USP7: variants seen among roughly 807,000 people sequenced by gnomAD.
USP7 encodes ubiquitin specific peptidase 7, also known as ubiquitin C-terminal hydrolase 7.
USP7 carries 9 observed loss-of-function variants against 162.9 expected under a neutral mutation model. The observed-to-expected ratio is 0.06, with a 90% CI of 0.03 to 0.10. The LOEUF is 0.10. USP7 is among the 10% of genes least tolerant of loss of function. The pLI is 1.00. For synonymous variants in USP7, 562 were observed against 475.9 expected (o/e 1.18, Z -2.35); for missense variants, 715 against 1,373.7 (o/e 0.52, Z 7.58).
rs761105770 is a variant in USP7 at position 8,908,327 on chromosome 16, C to T, written c.1271+14G>A. 121 of 1,595,118 alleles carry T rather than the reference C, an allele frequency of 7.6e-5. No homozygotes were observed. Among genetic ancestry groups the T allele is most frequent in the Non-Finnish European group, 1.0e-4 (120 of 1,163,404 alleles). ...GATGATGAAATCTTAACTTTATATCCCACTATAGATTACCTATCATTGATC... is the reference window on the plus strand; with the variant it reads ...GATGATGAAATCTTAACTTTATATCTCACTATAGATTACCTATCATTGATC... On this transcript the variant is annotated intron_variant, in intron 12 of 30. Transcript: ENST00000344836.
At position 8,923,792 on chromosome 16, in the gene USP7, G is replaced by A. The variant is rs115585847; in HGVS notation, c.185-379C>T. On this transcript the variant is annotated intron_variant, in intron 2 of 30. Coordinates refer to ENST00000344836, the MANE Select transcript of USP7 (RefSeq NM_003470.3). Reference sequence around the variant, plus strand: ...ATATCTGTTCAAGGACGGGACTTCTGGGGGTAAAGACCACGACATGGGACT... The same window carrying A: ...ATATCTGTTCAAGGACGGGACTTCTAGGGGTAAAGACCACGACATGGGACT... Among the ~76,000 whole-genome samples the A allele has an allele frequency of 2.7e-3, 412 of 152,246 alleles. 5 individuals carry two copies. Among genetic ancestry groups the A allele is most frequent in the African/African-American group, 9.4e-3 (392 of 41,542 alleles).
chr16:8,892,245 C>CT lies in USP7; in HGVS notation c.*1752dup, dbSNP rs1251380502. 6.6e-6 allele frequency: 1 copy of CT among 152,320 alleles called. No homozygotes were observed. Among genetic ancestry groups the CT allele is most frequent in the Non-Finnish European group, 1.5e-5 (1 of 68,100 alleles). 9.4% of individuals were successfully genotyped at this position (152,320 alleles called of 1,614,324 possible). On this transcript the variant is annotated 3_prime_UTR_variant, in exon 31 of 31. Coordinates refer to ENST00000344836, the MANE Select transcript of USP7 (RefSeq NM_003470.3). Reference sequence around the variant, plus strand: ...ACAGCGAACGGCTCTCGCACCCCTGCTCTAACTCCTCTTTCTGGGGGAGGA... The same window carrying CT: ...ACAGCGAACGGCTCTCGCACCCCTGCTTCTAACTCCTCTTTCTGGGGGAGGA...
At chr16:8,926,252 C>A (rs931698999) in intron 2 of USP7, among the ~76,000 whole-genome samples, 142 of 151,336 alleles carry the variant, frequency 9.4e-4, no homozygotes, top group African/African-American at 3.2e-3. Flanking sequence ...CAGAGGCGGG[C>A]GGATAACCTG....
chr16:8,902,579 A>G, intron 16 of USP7, 97 bp from the exon 17 acceptor site: 1 of 978,668 alleles, frequency 1.0e-6, no homozygotes, highest in South Asian at 1.7e-5. Flanking sequence ...ACATATATAT[A>G]TATAGTCAAT....
At chr16:8,928,600 T>G (rs908262948) in intron 2 of USP7, among the ~76,000 whole-genome samples, 6 of 152,122 alleles carry the variant, frequency 3.9e-5, no homozygotes, top group Non-Finnish European at 8.8e-5. Context: ...TCTCCTACAG[T>G]CAGGACCACC....
intron 1 of USP7, among the ~76,000 whole-genome samples, chr16:8,941,880 G>A (rs536063701): frequency 2.6e-5 from 4 of 152,336 alleles, no homozygotes; most frequent in African/African-American, 9.6e-5. Flanking sequence ...GTCTCCTGGT[G>A]CTCACTAGGA....
chr16:8,911,731 A>G (rs2061949764), intron 10 of USP7, among the ~76,000 whole-genome samples: 1 of 152,244 alleles, frequency 6.6e-6, no homozygotes, highest in African/African-American at 2.4e-5. Context: ...AGAGTAGCCT[A>G]AAGCAGAATG....
intron 1 of USP7, among the ~76,000 whole-genome samples, chr16:8,934,918 G>A (rs1009785333): frequency 7.2e-5 from 11 of 152,244 alleles, no homozygotes; most frequent in East Asian, 1.9e-4. Context: ...AGTTCCGCAA[G>A]AGGATTAAAA....
chr16:8,900,321 A>G (rs1479426736), intron 21 of USP7, among the ~76,000 whole-genome samples: 6 of 152,218 alleles, frequency 3.9e-5, no homozygotes, highest in Non-Finnish European at 8.8e-5. Context: ...ATTTTAAGGA[A>G]TTTTTAAGAA....
intron 5 of USP7, among the ~76,000 whole-genome samples, chr16:8,920,137 G>A (rs916038563): frequency 1.1e-4 from 17 of 152,132 alleles, no homozygotes; most frequent in African/African-American, 3.9e-4. Flanking sequence ...CTGTCTAGTT[G>A]CCATAATTAT....
chr16:8,921,059 T>C, intron 4 of USP7, 98 bp downstream of exon 4: 2 of 1,329,592 alleles, frequency 1.5e-6, no homozygotes, highest in Non-Finnish European at 2.0e-6. Context: ...AGTAAAAATC[T>C]GACTCTAAAA....
chr16:8,893,594 G>A lies in USP7; in HGVS notation c.*404C>T, dbSNP rs957138322. 7.1e-5 allele frequency: 13 copies of A among 183,248 alleles called. No homozygotes were observed. In the East Asian group the frequency reaches 7.8e-4, roughly 11 times the overall value. The allele number at this position is 183,248 out of a possible 1,614,324, so 11.4% of individuals were successfully genotyped here. On this transcript the variant is annotated 3_prime_UTR_variant, in exon 31 of 31. Coordinates refer to ENST00000344836, the MANE Select transcript of USP7 (RefSeq NM_003470.3). ...TATAACTGAAGGAAATAGGTCAGACGAGCCTAAACACAAGACTTGCTAGCT... is the reference window on the plus strand; with the variant it reads ...TATAACTGAAGGAAATAGGTCAGACAAGCCTAAACACAAGACTTGCTAGCT...
intron 13 of USP7, among the ~76,000 whole-genome samples, chr16:8,906,182 A>G (rs2061856796): frequency 6.6e-6 from 1 of 152,264 alleles, no homozygotes; most frequent in Non-Finnish European, 1.5e-5. Flanking sequence ...CTCATATGAC[A>G]TATAAGGGAT....
chr16:8,905,281 T>G lies in USP7; in HGVS notation c.1479A>C (p.Ala493=). 2 of 1,614,182 alleles carry G rather than the reference T, an allele frequency of 1.2e-6. No individual in the cohort carries two copies. The highest frequency in any genetic ancestry group is 8.5e-7 in the Non-Finnish European group (1 of 1,180,040). ...DVVSRCTKEE[A]IEHNYGGHDD... ...CGTGACCCCCATAATTGTGCTCAAT[T>G]GCTTCCTCTTTAGTACACCTTGACA... Residue 493 remains alanine, a synonymous_variant, in exon 14 of 31, where the codon GCA becomes GCC. Coordinates refer to ENST00000344836, the MANE Select transcript of USP7 (RefSeq NM_003470.3).
At chr16:8,946,750 A>C (rs551747450) in intron 1 of USP7, among the ~76,000 whole-genome samples, 1 of 152,366 alleles carries the variant, frequency 6.6e-6, no homozygotes, top group Admixed American at 6.5e-5. Flanking sequence ...ACTCACGCTC[A>C]ACCACTCAGC....
At chr16:8,924,426 A>C (rs1005994360) in intron 2 of USP7, among the ~76,000 whole-genome samples, 1 of 152,268 alleles carries the variant, frequency 6.6e-6, no homozygotes, top group Non-Finnish European at 1.5e-5. Context: ...ACTGACTGGC[A>C]GGAGTCCCAG....
At chr16:8,930,470 A>C (rs1277835552) in intron 1 of USP7, 73 bp from the exon 2 acceptor site, 2 of 1,061,876 alleles carry the variant, frequency 1.9e-6, no homozygotes, top group African/African-American at 1.6e-5. Context: ...ATATAAACTT[A>C]TACTTTTGAT....
At chr16:8,955,781 ATT>A (rs1899773498) in intron 1 of USP7, among the ~76,000 whole-genome samples, 1 of 151,030 alleles carries the variant, frequency 6.6e-6, no homozygotes, top group African/African-American at 2.4e-5. Flanking sequence ...CCAAAGTCTT[ATT>A]GATGAAATGT....
intron 1 of USP7, among the ~76,000 whole-genome samples, chr16:8,950,009 T>C (rs254944): frequency 0.99 from 150,633 of 152,384 alleles, 74,474 homozygotes; most frequent in East Asian, 1. Flanking sequence ...CCACCAACCA[T>C]AGAAGCCAGG....
Sources: allele counts gnomAD v4.1 joint callset (sites outside exome capture counted in the v4.1 genomes callset), GRCh38; gene constraint gnomAD v4.1.1; transcripts MANE v1.5; gene names NCBI Gene and HGNC (gene_info 2026-07-23, HGNC 2026-07-21).